The following NOL4 variants were observed in gnomAD, a reference collection of about 807,000 sequenced individuals.
NOL4 encodes cancer/testis antigen 125.
A neutral mutation model predicts 75.9 loss-of-function variants in NOL4; 17 were observed. That is an observed-to-expected ratio of 0.22 (90% CI 0.15 to 0.34). The LOEUF (loss-of-function observed/expected upper bound fraction) is 0.34, where lower values mean the gene tolerates loss of function less well. Ranked by LOEUF, NOL4 falls within the 10% of genes least tolerant of loss-of-function variation. NOL4 has a pLI of 1.00. For missense variants in NOL4, 614 were observed against 793.5 expected (o/e 0.77, Z 2.72); for synonymous variants, 292 against 289.9 (o/e 1.01, Z -0.07).
Position 34,019,518 on chromosome 18 carries a change from T to C in NOL4, c.856A>G (p.Met286Val). The C allele has an allele frequency of 6.2e-7, 1 of 1,614,010 alleles. No homozygotes were observed. The highest frequency in any genetic ancestry group is 8.5e-7 in the Non-Finnish European group (1 of 1,179,978). Residue 286 changes from methionine (M) to valine (V), a missense_variant, in exon 6 of 11, where the codon ATG becomes GTG. Met to Val is a conservative substitution (Grantham distance 21). This residue lies in a region of NOL4 where 196 missense variants were observed against 167.9 expected (regional missense o/e 1.17). Coordinates refer to ENST00000261592, the MANE Select transcript of NOL4 (RefSeq NM_003787.5). ...IASGGTHSRE[M>V]GDSNSDGKTG... The stretch of plus-strand genomic sequence containing the variant: ...TTGCCATCACTGTTGGAGTCTCCCA[T>C]CTCCCTGCTGTGTGTTCCCCCTGAA...
Position 33,888,365 on chromosome 18 carries a change from G to T in NOL4, c.1543-4941C>A, listed in dbSNP as rs182877291. Among the ~76,000 whole-genome samples the T allele has an allele frequency of 1.2e-3, 178 of 152,194 alleles. 1 individual carries two copies. The highest frequency in any genetic ancestry group is 2.4e-3 in the Admixed American group (37 of 15,284). ...TGCAAAGATTTTCTCCCATTCTGTAGGTTGCCTGTTCACTCTGATTATAGT... is the reference window on the plus strand; with the variant it reads ...TGCAAAGATTTTCTCCCATTCTGTATGTTGCCTGTTCACTCTGATTATAGT... On this transcript the variant is annotated intron_variant, in intron 9 of 10. Coordinates refer to ENST00000261592, the MANE Select transcript of NOL4 (RefSeq NM_003787.5).
chr18:34,014,698 T>C (rs1405636528), intron 6 of NOL4, among the ~76,000 whole-genome samples: 1 of 151,974 alleles, frequency 6.6e-6, no homozygotes, highest in Non-Finnish European at 1.5e-5. Context: ...TTATTAGTTG[T>C]CCTTTTAAAA....
At position 33,876,269 on chromosome 18, in the gene NOL4, A is replaced by G. The variant is rs538204443; in HGVS notation, c.1723+6975T>C. On this transcript the variant is annotated intron_variant, in intron 10 of 10. Transcript: ENST00000261592. Reference sequence around the variant, plus strand: ...TTGTTTTAAAGGTTCTGGAAACATCATTTTCCCTTCAATCTTTGCACTCCT... The same window carrying G: ...TTGTTTTAAAGGTTCTGGAAACATCGTTTTCCCTTCAATCTTTGCACTCCT... Among the ~76,000 whole-genome samples the G allele has an allele frequency of 2.0e-5, 3 of 152,130 alleles. No individual in the cohort carries two copies. In the South Asian group the frequency reaches 6.2e-4, roughly 32 times the overall value.
At chr18:34,109,210 T>C (rs910901425) in intron 2 of NOL4, among the ~76,000 whole-genome samples, 2 of 151,568 alleles carry the variant, frequency 1.3e-5, no homozygotes, top group Non-Finnish European at 2.9e-5. Context: ...TAGCAATAAA[T>C]GCCACATTAA....
At chr18:34,147,136 T>C (rs2081433276) in intron 1 of NOL4, among the ~76,000 whole-genome samples, 1 of 152,176 alleles carries the variant, frequency 6.6e-6, no homozygotes, top group Admixed American at 6.6e-5. Context: ...GATGGGGTTT[T>C]CTAAATATAC....
intron 5 of NOL4, among the ~76,000 whole-genome samples, chr18:34,054,791 C>T (rs1043019862): frequency 2.0e-5 from 3 of 151,674 alleles, no homozygotes; most frequent in Non-Finnish European, 4.4e-5. Flanking sequence ...TTCTCCTTTC[C>T]TCTCTTACTG....
chr18:34,034,221 A>G (rs1263034653), intron 5 of NOL4, among the ~76,000 whole-genome samples: 1 of 152,214 alleles, frequency 6.6e-6, no homozygotes, highest in Non-Finnish European at 1.5e-5. Flanking sequence ...GGAACAAAGA[A>G]TATACTAAAC....
At chr18:34,208,024 G>T (rs956547793) in intron 1 of NOL4, among the ~76,000 whole-genome samples, 5 of 152,112 alleles carry the variant, frequency 3.3e-5, no homozygotes, top group African/African-American at 1.2e-4. Flanking sequence ...CCCTATTCCT[G>T]GTCCTCTGGA....
At chr18:34,125,153 G>A (rs1204136941) in intron 2 of NOL4, among the ~76,000 whole-genome samples, 1 of 152,138 alleles carries the variant, frequency 6.6e-6, no homozygotes, top group Admixed American at 6.6e-5. Context: ...GGGGTCAATG[G>A]TTTAACCCAA....
At chr18:34,034,164 A>G (rs1007120313) in intron 5 of NOL4, among the ~76,000 whole-genome samples, 1 of 152,170 alleles carries the variant, frequency 6.6e-6, no homozygotes, top group Non-Finnish European at 1.5e-5. Context: ...TGATAACACT[A>G]CAGAAAACCA....
chr18:33,895,545 C>T (rs1420290219), intron 9 of NOL4, among the ~76,000 whole-genome samples: 1 of 151,888 alleles, frequency 6.6e-6, no homozygotes, highest in South Asian at 2.1e-4. Context: ...AGTTATTTGG[C>T]CATTGGTTTT....
At chr18:33,916,720 T>G (rs2066742444) in intron 9 of NOL4, among the ~76,000 whole-genome samples, 1 of 152,246 alleles carries the variant, frequency 6.6e-6, no homozygotes. Flanking sequence ...TAATAATTGC[T>G]AAATATAAAT....
chr18:34,147,290 T>C (rs543930762), intron 1 of NOL4, among the ~76,000 whole-genome samples: 3 of 152,320 alleles, frequency 2.0e-5, no homozygotes, highest in South Asian at 2.1e-4. Flanking sequence ...ATCCTTGTCT[T>C]GTGTCAGTTT....
At chr18:34,181,736 T>A (rs891720819) in intron 1 of NOL4, among the ~76,000 whole-genome samples, 26 of 151,270 alleles carry the variant, frequency 1.7e-4, no homozygotes, top group Admixed American at 6.6e-5. Flanking sequence ...AAAATTGAAG[T>A]GGGCTAAGTG....
chr18:33,917,547 G>A (rs1444359799), intron 9 of NOL4, among the ~76,000 whole-genome samples: 1 of 152,084 alleles, frequency 6.6e-6, no homozygotes, highest in Admixed American at 6.6e-5. Flanking sequence ...CCTTGTTGGA[G>A]TGCAGTGGTG....
At chr18:34,198,549 A>G (rs531783776) in intron 1 of NOL4, among the ~76,000 whole-genome samples, 2 of 151,934 alleles carry the variant, frequency 1.3e-5, no homozygotes, top group Non-Finnish European at 2.9e-5. Flanking sequence ...AATTAAATGT[A>G]TGAATCCATC....
At chr18:33,855,634 G>A (rs2062803829) in intron 10 of NOL4, among the ~76,000 whole-genome samples, 1 of 152,048 alleles carries the variant, frequency 6.6e-6, no homozygotes, top group African/African-American at 2.4e-5. Context: ...ATGCGAACCT[G>A]CTTTATGATC....
Position 33,969,765 on chromosome 18 carries a change from A to C in NOL4, c.1057-11347T>G, listed in dbSNP as rs199740440. On this transcript the variant is annotated intron_variant, in intron 6 of 10. Coordinates refer to ENST00000261592, the MANE Select transcript of NOL4 (RefSeq NM_003787.5). ...ATTTTTCCAGTGCTTGTCCAAAAAAAAAAAAAAAGATCAAATTTAACAATT... is the reference window on the plus strand; with the variant it reads ...ATTTTTCCAGTGCTTGTCCAAAAAACAAAAAAAAGATCAAATTTAACAATT... Among the ~76,000 whole-genome samples, 59 of 152,036 alleles carry C rather than the reference A, an allele frequency of 3.9e-4. No homozygotes were observed. The East Asian group carries it at 0.01, about 27-fold the overall frequency.
At chr18:34,043,236 T>A (rs2076215297) in intron 5 of NOL4, among the ~76,000 whole-genome samples, 1 of 152,096 alleles carries the variant, frequency 6.6e-6, no homozygotes, top group Non-Finnish European at 1.5e-5. Flanking sequence ...GCTCATTGAA[T>A]GAATGACAAA....
Sources: gnomAD v4.1 joint callset for allele counts (sites outside exome capture counted in the v4.1 genomes callset) on GRCh38, gnomAD v4.1.1 for gene constraint, gnomAD v4.1.1 regional missense constraint, MANE v1.5 for transcripts, NCBI Gene and HGNC (gene_info 2026-07-23, HGNC 2026-07-21) for gene names.